Variants in FHOD3 observed in about 807,000 individuals in gnomAD.
FHOD3 encodes formin homology 2 domain containing 3, also known as FH1/FH2 domain-containing protein 3.
In FHOD3, 90 loss-of-function variants were observed where a neutral mutation model predicts 173.0. The observed-to-expected ratio is 0.52, with a 90% CI of 0.44 to 0.62. The LOEUF is 0.62. Among genes scored for constraint, FHOD3 ranks in the 20% least tolerant of loss-of-function variants. The pLI is 0.00. For synonymous variants in FHOD3, 828 were observed against 823.0 expected, an observed-to-expected ratio of 1.01 and a Z score of -0.10; for missense variants, 1,945 against 2,034.7, an observed-to-expected ratio of 0.96 and a Z score of 0.85.
At chr18:36,636,827 G>A (rs967702828) in intron 10 of FHOD3, among the ~76,000 whole-genome samples, 2 of 152,090 alleles carry the variant, frequency 1.3e-5, no homozygotes, top group South Asian at 2.1e-4. Context: ...GGCATGTCAC[G>A]ACTGCATGCA....
At chr18:36,724,290 T>C (rs2040939375) in intron 19 of FHOD3, among the ~76,000 whole-genome samples, 1 of 152,190 alleles carries the variant, frequency 6.6e-6, no homozygotes, top group African/African-American at 2.4e-5. Context: ...CTAGAAAATA[T>C]TCCTATTACC....
At chr18:36,424,872 T>C (rs1398204475) in intron 3 of FHOD3, among the ~76,000 whole-genome samples, 1 of 152,236 alleles carries the variant, frequency 6.6e-6, no homozygotes, top group Non-Finnish European at 1.5e-5. Context: ...CAGCATACAC[T>C]ACCTGGCCAT....
chr18:36,461,459 G>GTT (rs113378884), intron 3 of FHOD3, among the ~76,000 whole-genome samples: 1 of 138,144 alleles, frequency 7.2e-6, no homozygotes. Context: ...TTGTGTGTGT[G>GTT]TTTTTTTTTT....
intron 3 of FHOD3, among the ~76,000 whole-genome samples, chr18:36,438,708 C>T (rs990664599): frequency 6.6e-6 from 1 of 152,340 alleles, no homozygotes. Flanking sequence ...CAGTGCTCTC[C>T]GTCCATGCCC....
chr18:36,514,669 G>A (rs989510305), intron 5 of FHOD3, among the ~76,000 whole-genome samples: 3 of 152,166 alleles, frequency 2.0e-5, no homozygotes, highest in African/African-American at 7.2e-5. Flanking sequence ...CCTCTAGAGA[G>A]CTAATATTAT....
chr18:36,527,300 A>G (rs751681385), intron 5 of FHOD3, among the ~76,000 whole-genome samples: 4 of 152,264 alleles, frequency 2.6e-5, no homozygotes, highest in Non-Finnish European at 5.9e-5. Flanking sequence ...CTGACTAATC[A>G]TGCAATGAGA....
intron 11 of FHOD3, among the ~76,000 whole-genome samples, chr18:36,652,098 A>G (rs2036096217): frequency 1.3e-5 from 2 of 152,212 alleles, no homozygotes; most frequent in African/African-American, 4.8e-5. Context: ...GCAGTCACTA[A>G]AGTGTATGGC....
chr18:36,467,906 A>G (rs1599253283), intron 3 of FHOD3, among the ~76,000 whole-genome samples: 1 of 152,232 alleles, frequency 6.6e-6, no homozygotes, highest in African/African-American at 2.4e-5. Context: ...GGGTGCCTGC[A>G]CTGCAGACCT....
chr18:36,647,852 G>A (rs936026541), intron 10 of FHOD3, among the ~76,000 whole-genome samples: 1 of 152,196 alleles, frequency 6.6e-6, no homozygotes, highest in Non-Finnish European at 1.5e-5. Flanking sequence ...ATAAAACCAG[G>A]CAAAGCTAAC....
At chr18:36,726,071 G>C (rs1037101014) in intron 19 of FHOD3, among the ~76,000 whole-genome samples, 3 of 151,194 alleles carry the variant, frequency 2.0e-5, no homozygotes, top group Middle Eastern at 3.4e-3. Context: ...GATTTTGATA[G>C]GATTATGTAT....
chr18:36,779,169 TTCTC>T, intron 28 of FHOD3: 1 of 468,480 alleles, frequency 2.1e-6, no homozygotes, highest in Non-Finnish European at 3.8e-6. Context: ...CTCTCCTCCT[TTCTC>T]TCCTCTTTAT....
At chr18:36,362,113 A>G (rs1351823855) in intron 2 of FHOD3, among the ~76,000 whole-genome samples, 1 of 152,054 alleles carries the variant, frequency 6.6e-6, no homozygotes, top group African/African-American at 2.4e-5. Flanking sequence ...TGACCTGCAA[A>G]GAGAGCCCCC....
At chr18:36,357,314 C>T (rs765292237) in intron 2 of FHOD3, among the ~76,000 whole-genome samples, 2 of 152,226 alleles carry the variant, frequency 1.3e-5, no homozygotes, top group Non-Finnish European at 2.9e-5. Flanking sequence ...TTTACTAGGT[C>T]AGAACCATGC....
chr18:36,428,727 A>G (rs2050382791), intron 3 of FHOD3, among the ~76,000 whole-genome samples: 1 of 152,200 alleles, frequency 6.6e-6, no homozygotes, highest in African/African-American at 2.4e-5. Flanking sequence ...TGAACATGAC[A>G]GCAGAATGAT....
chr18:36,443,940 T>A (rs924917005), intron 3 of FHOD3, among the ~76,000 whole-genome samples: 1 of 152,118 alleles, frequency 6.6e-6, no homozygotes, highest in Non-Finnish European at 1.5e-5. Flanking sequence ...TTTTCAGAAT[T>A]GTTAACCTAT....
intron 5 of FHOD3, among the ~76,000 whole-genome samples, chr18:36,551,940 A>C (rs2057674626): frequency 6.6e-6 from 1 of 152,190 alleles, no homozygotes; most frequent in Non-Finnish European, 1.5e-5. Context: ...TGATGCCTCC[A>C]GCTTTGTTCT....
rs563193792 is a variant in FHOD3, at chr18:36,308,116, G to A, written c.165+10116G>A. ...CATGCTTGGTACTTAATACATATTT[G>A]TAAAATGAATGCATGAATGATTGAA... On this transcript the variant is annotated intron_variant, in intron 1 of 28. Coordinates refer to ENST00000590592, the MANE Select transcript of FHOD3 (RefSeq NM_001281740.3). Among the ~76,000 whole-genome samples the A allele has an allele frequency of 8.7e-4, 132 of 152,258 alleles. 1 individual carries two copies. In the East Asian group the frequency reaches 0.016, roughly 19 times the overall value.
At chr18:36,538,588 A>T (rs772557834) in intron 5 of FHOD3, among the ~76,000 whole-genome samples, 1 of 152,236 alleles carries the variant, frequency 6.6e-6, no homozygotes, top group African/African-American at 2.4e-5. Context: ...CAGTAGGTTA[A>T]TGGTTAGACT....
intron 5 of FHOD3, among the ~76,000 whole-genome samples, chr18:36,518,903 T>G (rs907504461): frequency 1.9e-4 from 29 of 152,164 alleles, no homozygotes; most frequent in African/African-American, 7.0e-4. Context: ...CTTGGCATGC[T>G]GTTAGGGATG....
Sources: allele counts gnomAD v4.1 joint callset (sites outside exome capture counted in the v4.1 genomes callset), GRCh38; gene constraint gnomAD v4.1.1; transcripts MANE v1.5; gene names NCBI Gene and HGNC (gene_info 2026-07-23, HGNC 2026-07-21).